SUSD4: variants seen among roughly 807,000 people sequenced by gnomAD.
SUSD4 encodes sushi domain containing 4.
In SUSD4, 41 loss-of-function variants were observed where a neutral mutation model predicts 50.5. The observed-to-expected ratio is 0.81, with a 90% confidence interval of 0.63 to 1.05. The LOEUF (loss-of-function observed/expected upper bound fraction) is 1.05, where lower values mean the gene tolerates loss of function less well. SUSD4 is among the 50% of genes least tolerant of loss of function. SUSD4 has a pLI of 0.00. For synonymous variants in SUSD4, 257 were observed against 257.3 expected (o/e 1.00, Z 0.01); for missense variants, 580 against 634.7 (o/e 0.91, Z 0.93).
At chr1:223,338,649 A>G (rs1197426872) in intron 2 of SUSD4, among the ~76,000 whole-genome samples, 3 of 152,222 alleles carry the variant, frequency 2.0e-5, no homozygotes, top group African/African-American at 7.2e-5. Context: ...GAGAGGCTGG[A>G]TAAGAGCATG....
chr1:223,318,126 C>T (rs1219224482), intron 2 of SUSD4, among the ~76,000 whole-genome samples: 3 of 43,584 alleles, frequency 6.9e-5, no homozygotes, highest in Non-Finnish European at 9.0e-5. Context: ...TTTGTTCTTG[C>T]GATAGTTTAC....
intron 2 of SUSD4, 135 bp from the exon 3 acceptor site, chr1:223,292,786 G>A: frequency 1.1e-6 from 1 of 880,072 alleles, no homozygotes; most frequent in Non-Finnish European, 1.7e-6. Context: ...CAAAGCCAAG[G>A]ACATTTTAGT....
chr1:223,280,796 A>G (rs1036989037), intron 3 of SUSD4, among the ~76,000 whole-genome samples: 1 of 152,164 alleles, frequency 6.6e-6, no homozygotes, highest in East Asian at 1.9e-4. Flanking sequence ...TCTTTTCAGC[A>G]CCACATCGCA....
At chr1:223,297,718 CCAT>C (rs1664918770) in intron 2 of SUSD4, among the ~76,000 whole-genome samples, 1 of 152,346 alleles carries the variant, frequency 6.6e-6, no homozygotes, top group Admixed American at 6.5e-5. Flanking sequence ...CTCACTCTGA[CCAT>C]CATCACTGCT....
intron 4 of SUSD4, 83 bp from the exon 5 acceptor site, chr1:223,264,901 T>C (rs1214172442): frequency 1.4e-6 from 2 of 1,418,068 alleles, no homozygotes; most frequent in Admixed American, 4.6e-5. Context: ...CTGGAACTTT[T>C]TAGGATTCCC....
At chr1:223,328,653 T>A (rs2103265379) in intron 2 of SUSD4, among the ~76,000 whole-genome samples, 1 of 152,306 alleles carries the variant, frequency 6.6e-6, no homozygotes, top group Non-Finnish European at 1.5e-5. Flanking sequence ...CTCTCATTAT[T>A]TCCCCAAGTT....
intron 2 of SUSD4, among the ~76,000 whole-genome samples, chr1:223,317,890 G>A (rs1666317034): frequency 9.2e-6 from 1 of 108,150 alleles, no homozygotes. Flanking sequence ...AAGTTTTAGG[G>A]TACATGTGCA....
intron 5 of SUSD4, among the ~76,000 whole-genome samples, chr1:223,257,938 T>G (rs1196665112): frequency 6.6e-6 from 1 of 152,148 alleles, no homozygotes; most frequent in East Asian, 1.9e-4. Context: ...CGGTATGGAC[T>G]CCTCTTTATG....
chr1:223,324,777 C>T (rs1218157659), intron 2 of SUSD4, among the ~76,000 whole-genome samples: 1 of 151,794 alleles, frequency 6.6e-6, no homozygotes, highest in Non-Finnish European at 1.5e-5. Context: ...AAGGCTGAAT[C>T]AGGTCCCTTC....
chr1:223,332,524 T>A lies in SUSD4; in HGVS notation c.148+30754A>T, dbSNP rs1667231523. ...TTGCACAGAGATATATAAAGTTTCT[T>A]AGGATCTGTCCATTTAAACTAGAAG... On this transcript the variant is annotated intron_variant, in intron 2 of 8. Transcript: ENST00000366878. This position sits in a 1 kb window ranked among gnomAD's most constrained non-coding sequence, Gnocchi z 4.0. 6.6e-6 allele frequency among the ~76,000 whole-genome samples: 1 copy of A among 152,222 alleles called. No homozygotes were observed. The highest frequency in any genetic ancestry group is 1.5e-5 in the Non-Finnish European group (1 of 68,040).
intron 5 of SUSD4, among the ~76,000 whole-genome samples, chr1:223,239,835 A>C (rs1338340924): frequency 6.6e-6 from 1 of 152,132 alleles, no homozygotes; most frequent in East Asian, 1.9e-4. Flanking sequence ...AATAAGAAAA[A>C]TAAAAGTTTT....
chr1:223,337,157 T>A (rs1207294250), intron 2 of SUSD4, among the ~76,000 whole-genome samples: 1 of 152,238 alleles, frequency 6.6e-6, no homozygotes, highest in Non-Finnish European at 1.5e-5. Flanking sequence ...AGAGCTCAAG[T>A]ATTAGTTGAA....
At chr1:223,305,716 T>C (rs1222882496) in intron 2 of SUSD4, among the ~76,000 whole-genome samples, 1 of 152,198 alleles carries the variant, frequency 6.6e-6, no homozygotes. Flanking sequence ...ACTTCTGCCA[T>C]ATAGCACGAT....
At chr1:223,234,937 G>T (rs1660113004) in intron 5 of SUSD4, 1 of 1,568,386 alleles carries the variant, frequency 6.4e-7, no homozygotes. Flanking sequence ...GTCCTTTATT[G>T]CAGGAGAACA....
At chr1:223,358,164 G>A (rs17163836) in intron 2 of SUSD4, among the ~76,000 whole-genome samples, 6 of 152,090 alleles carry the variant, frequency 3.9e-5, no homozygotes, top group African/African-American at 1.2e-4. Flanking sequence ...AGACACCAAC[G>A]CTTATCTGAA....
At chr1:223,331,907 A>G (rs1667198062) in intron 2 of SUSD4, among the ~76,000 whole-genome samples, 1 of 152,212 alleles carries the variant, frequency 6.6e-6, no homozygotes, top group Non-Finnish European at 1.5e-5. Flanking sequence ...TGTATTGCAA[A>G]CAACAGCGAG....
chr1:223,221,894 T>C lies in SUSD4; in HGVS notation c.*298A>G, dbSNP rs1227874201. ...TGATTCGGTGGGATGTGCGTGGAAT[T>C]GTCCCATGTTCCACAGCACGATACA... On this transcript the variant is annotated 3_prime_UTR_variant, in exon 9 of 9. Coordinates refer to ENST00000366878, the MANE Select transcript of SUSD4 (RefSeq NM_017982.4). The C allele has an allele frequency of 6.0e-6, 2 of 335,242 alleles. No individual in the cohort carries two copies. The highest frequency in any genetic ancestry group is 9.6e-5 in the East Asian group (2 of 20,846). The allele number at this position is 335,242 out of a possible 1,614,324, so 20.8% of individuals were successfully genotyped here. A position where few individuals can be genotyped will look rare whatever the true frequency, so the allele number is the denominator to read the frequency against.
At chr1:223,279,056 C>T (rs1447214848) in intron 3 of SUSD4, among the ~76,000 whole-genome samples, 1 of 152,130 alleles carries the variant, frequency 6.6e-6, no homozygotes, top group Non-Finnish European at 1.5e-5. Flanking sequence ...GACATCCACA[C>T]CAAAACCCCA....
At chr1:223,275,494 A>T (rs1269339405) in intron 3 of SUSD4, among the ~76,000 whole-genome samples, 5 of 152,254 alleles carry the variant, frequency 3.3e-5, no homozygotes, top group African/African-American at 1.2e-4. Flanking sequence ...AAAAGAAGGC[A>T]TGTCAAATGC....
Sources: gnomAD v4.1 joint callset for allele counts (sites outside exome capture counted in the v4.1 genomes callset) on GRCh38, gnomAD v4.1.1 for gene constraint, Gnocchi (gnomAD v3.1) non-coding constraint, MANE v1.5 for transcripts, NCBI Gene and HGNC (gene_info 2026-07-23, HGNC 2026-07-21) for gene names.